Variants in PIWIL1 observed in about 807,000 individuals in gnomAD.
The protein encoded by PIWIL1 is piwi like RNA-mediated gene silencing 1, also known as piwi-like protein 1.
PIWIL1 carries 73 observed loss-of-function variants against 114.4 expected under a neutral mutation model. That is an observed-to-expected ratio of 0.64 (90% CI 0.53 to 0.78). PIWIL1 has a LOEUF of 0.78. Among genes scored for constraint, PIWIL1 ranks in the 30% least tolerant of loss-of-function variants. The probability of loss-of-function intolerance (pLI) is 0.00; values close to 1 mark genes in which losing one functional copy is unlikely to be tolerated. For synonymous variants in PIWIL1, 375 were observed against 369.0 expected (o/e 1.02, Z -0.19); for missense variants, 723 against 1,063.1 (o/e 0.68, Z 4.45).
At chr12:130,424,926 G>C in the PIWIL1 span, 1 of 967,278 alleles carries the variant, frequency 1.0e-6, no homozygotes, top group Non-Finnish European at 1.3e-6. The surrounding 1 kb of genome is among the most constrained non-coding windows in gnomAD (Gnocchi z 9.8). Context: ...TGGGGGCCAG[G>C]GGAGGAAAGA....
chr12:130,424,869 G>A, the PIWIL1 span: 1 of 1,229,510 alleles, frequency 8.1e-7, no homozygotes, highest in African/African-American at 1.6e-5. The surrounding 1 kb of genome is among the most constrained non-coding windows in gnomAD (Gnocchi z 9.8). Flanking sequence ...CTTACGGGGT[G>A]GTGTGTCAAG....
intron 19 of PIWIL1, among the ~76,000 whole-genome samples, chr12:130,370,617 G>T (rs537187515): frequency 6.6e-4 from 100 of 152,226 alleles, no homozygotes; most frequent in Middle Eastern, 6.8e-3. Flanking sequence ...TCTTCCATTT[G>T]GTCCCATACT....
chr12:130,415,386 A>AT, the PIWIL1 span, among the ~76,000 whole-genome samples: 1 of 152,228 alleles, frequency 6.6e-6, no homozygotes, highest in East Asian at 1.9e-4. Flanking sequence ...CAATCTAGGC[A>AT]TTGAAAGATG....
chr12:130,359,034 A>T (rs1464134716), intron 14 of PIWIL1, among the ~76,000 whole-genome samples: 2 of 152,180 alleles, frequency 1.3e-5, no homozygotes, highest in Admixed American at 6.5e-5. Context: ...CAAAGTTTTC[A>T]ACTTGAAAGC....
At chr12:130,412,745 T>C in the PIWIL1 span, 18 of 1,613,580 alleles carry the variant, frequency 1.1e-5, no homozygotes, top group Middle Eastern at 3.3e-4. Context: ...CGGGCACAGG[T>C]TTCCCCACGG....
intron 9 of PIWIL1, chr12:130,350,967 C>T (rs562380854): frequency 6.6e-6 from 1 of 152,142 alleles, no homozygotes; most frequent in African/African-American, 2.4e-5. Flanking sequence ...AAGGGCTGAC[C>T]TTATTCCTGG....
the PIWIL1 span, chr12:130,399,745 T>G: frequency 6.8e-5 from 109 of 1,614,068 alleles, no homozygotes; most frequent in Non-Finnish European, 1.7e-5. Flanking sequence ...AAAGATAGAC[T>G]TCTACGTCAT....
At chr12:130,342,513 C>T (rs1012074078) in intron 1 of PIWIL1, 67 bp from the exon 2 acceptor site, 1 of 911,834 alleles carries the variant, frequency 1.1e-6, no homozygotes, top group African/African-American at 1.6e-5. Context: ...TTTAAAGTAA[C>T]ATTGTAGAAA....
At chr12:130,414,855 A>G in the PIWIL1 span, 2 of 153,164 alleles carry the variant, frequency 1.3e-5, no homozygotes, top group African/African-American at 2.4e-5. Flanking sequence ...CTTTTGGACT[A>G]GAGGAAATGG....
At chr12:130,393,150 C>A in the PIWIL1 span, among the ~76,000 whole-genome samples, 1 of 148,750 alleles carries the variant, frequency 6.7e-6, no homozygotes, top group Non-Finnish European at 1.5e-5. Context: ...ACCCGGTCAC[C>A]ATCATCACGT....
chr12:130,399,077 G>A, the PIWIL1 span: 132 of 1,202,728 alleles, frequency 1.1e-4, no homozygotes, highest in Non-Finnish European at 1.4e-4. Flanking sequence ...GGTAGCTTAA[G>A]TTGGTATCTT....
In PIWIL1 at chr12:130,346,435, G is replaced by GC; in HGVS notation, c.384dup (p.Tyr130IlefsTer6). 1 of 1,614,080 alleles carries GC rather than the reference G, an allele frequency of 6.2e-7. No individual in the cohort carries two copies. Among genetic ancestry groups the GC allele is most frequent in the Non-Finnish European group, 8.5e-7 (1 of 1,179,948 alleles). On this transcript the variant is annotated frameshift_variant, in exon 5 of 21. Coordinates refer to ENST00000245255, the MANE Select transcript of PIWIL1 (RefSeq NM_004764.5). LOFTEE classifies it high-confidence loss of function. ...CCGGCTGACATCCCGTCCCCAGTGGGCCTTATATCAGTATCACATTGACTA... is the reference window on the plus strand; with the variant it reads ...CCGGCTGACATCCCGTCCCCAGTGGGCCCTTATATCAGTATCACATTGACTA...
intron 1 of PIWIL1, among the ~76,000 whole-genome samples, chr12:130,340,646 T>TGGGGGGGGGGGGGGGGGGGGGGGGGGG (rs143005039): frequency 1.4e-5 from 1 of 72,806 alleles, no homozygotes; most frequent in Non-Finnish European, 2.6e-5. Flanking sequence ...GGAGGGGGGG[T>TGGGGGGGGGGGGGGGGGGGGGGGGGGG]GGGGGGAGGG....
chr12:130,401,948 C>G, the PIWIL1 span, among the ~76,000 whole-genome samples: 8 of 152,176 alleles, frequency 5.3e-5, no homozygotes, highest in Non-Finnish European at 8.8e-5. Flanking sequence ...GTGTGTACCC[C>G]AGCCTGCAGA....
At chr12:130,393,815 G>T in the PIWIL1 span, among the ~76,000 whole-genome samples, 2 of 152,168 alleles carry the variant, frequency 1.3e-5, no homozygotes, top group Non-Finnish European at 2.9e-5. Flanking sequence ...AAGTCACTTG[G>T]CCAAGTGCGT....
At chr12:130,412,898 T>G in the PIWIL1 span, 2 of 1,047,136 alleles carry the variant, frequency 1.9e-6, no homozygotes, top group Admixed American at 5.8e-5. Flanking sequence ...AAATATAGTT[T>G]AAAAATACCA....
chr12:130,357,459 G>A (rs1452195606), intron 13 of PIWIL1, 22 bp from the exon 14 acceptor site: 2 of 1,588,424 alleles, frequency 1.3e-6, no homozygotes, highest in African/African-American at 1.3e-5. Flanking sequence ...TCTGAGTGTT[G>A]GATTGTGTAC....
intron 7 of PIWIL1, 44 bp downstream of exon 7, chr12:130,348,227 C>T (rs1331070011): frequency 6.1e-6 from 7 of 1,156,456 alleles, no homozygotes; most frequent in Non-Finnish European, 8.9e-6. Context: ...GGCTTAATGA[C>T]AGACTTTTGA....
At chr12:130,370,015 G>T (rs1223391549) in intron 19 of PIWIL1, among the ~76,000 whole-genome samples, 5 of 152,182 alleles carry the variant, frequency 3.3e-5, no homozygotes, top group African/African-American at 1.2e-4. Context: ...GCCGGGCTTG[G>T]ATTCCAGCCC....
Sources: allele counts gnomAD v4.1 joint callset (sites outside exome capture counted in the v4.1 genomes callset), GRCh38; gene constraint gnomAD v4.1.1; non-coding constraint Gnocchi (gnomAD v3.1); transcripts MANE v1.5; gene names NCBI Gene and HGNC (gene_info 2026-07-23, HGNC 2026-07-21).